Variants in GRIN2A observed in about 807,000 individuals in gnomAD.
GRIN2A encodes the protein glutamate receptor ionotropic, NMDA 2A.
A neutral mutation model predicts 113.4 loss-of-function variants in GRIN2A; 22 were observed. The observed-to-expected ratio is 0.19, with a 90% CI of 0.14 to 0.28. The LOEUF (loss-of-function observed/expected upper bound fraction) is 0.28, where lower values mean the gene tolerates loss of function less well. Among genes scored for constraint, GRIN2A ranks in the 10% least tolerant of loss-of-function variants. The pLI, the probability that GRIN2A is intolerant of heterozygous loss-of-function variation, is 1.00. For missense variants in GRIN2A, 1,502 were observed against 1,887.0 expected (o/e 0.80, Z 3.78); for synonymous variants, 827 against 738.4 (o/e 1.12, Z -1.94).
chr16:10,180,487 G>T lies in GRIN2A; in HGVS notation c.-18-58C>A. Reference sequence around the variant, plus strand: ...GTGAGCAAGGCGACCAGAAGAAAGGGATTACCAACTTGGCTTCCTGCTCTA... The same window carrying T: ...GTGAGCAAGGCGACCAGAAGAAAGGTATTACCAACTTGGCTTCCTGCTCTA... On this transcript the variant is annotated intron_variant, in intron 1 of 12. Coordinates refer to ENST00000330684, the MANE Select transcript of GRIN2A (RefSeq NM_001134407.3). This position sits in a 1 kb window ranked among gnomAD's most constrained non-coding sequence, Gnocchi z 7.0. The T allele has an allele frequency of 6.5e-7, 1 of 1,548,570 alleles. No homozygotes were observed. The highest frequency in any genetic ancestry group is 2.4e-5 in the East Asian group (1 of 42,068).
At chr16:9,983,352 T>G (rs565017512) in intron 2 of GRIN2A, among the ~76,000 whole-genome samples, 12 of 152,338 alleles carry the variant, frequency 7.9e-5, no homozygotes, top group African/African-American at 2.4e-4. Context: ...CACGTGATAT[T>G]TGGTTTTTTG....
At chr16:10,111,689 A>G in intron 2 of GRIN2A, 3 of 1,564,634 alleles carry the variant, frequency 1.9e-6, no homozygotes, top group Non-Finnish European at 2.6e-6. Flanking sequence ...CAGGCCAACG[A>G]GGTGCATAAG....
At chr16:10,008,316 C>G (rs1034323803) in intron 2 of GRIN2A, among the ~76,000 whole-genome samples, 1 of 152,190 alleles carries the variant, frequency 6.6e-6, no homozygotes, top group Non-Finnish European at 1.5e-5. Context: ...TTGTGTCATG[C>G]TGAGATATCC....
rs182363898 is a variant in GRIN2A at position 10,083,641 on chromosome 16, C to G, written c.414+96357G>C. Among the ~76,000 whole-genome samples the G allele has an allele frequency of 2.0e-3, 302 of 152,284 alleles. 6 individuals carry two copies. The highest frequency in any genetic ancestry group is 1.2e-3 in the Non-Finnish European group (82 of 68,022). On this transcript the variant is annotated intron_variant, in intron 2 of 12. Transcript: ENST00000330684. ...TCTCTTTACAATGTTCTTTTCTGCACCTCACCCCCGATCCCTACTCTCCTA... is the reference window on the plus strand; with the variant it reads ...TCTCTTTACAATGTTCTTTTCTGCAGCTCACCCCCGATCCCTACTCTCCTA...
chr16:10,025,642 A>T (rs2046806071), intron 2 of GRIN2A, among the ~76,000 whole-genome samples: 1 of 152,114 alleles, frequency 6.6e-6, no homozygotes, highest in Non-Finnish European at 1.5e-5. Flanking sequence ...GGAGGCTGGA[A>T]TACCACCTCA....
intron 2 of GRIN2A, among the ~76,000 whole-genome samples, chr16:9,974,134 G>A (rs2045729495): frequency 6.6e-6 from 1 of 152,136 alleles, no homozygotes; most frequent in Admixed American, 6.5e-5. Flanking sequence ...TAACACTATA[G>A]CATACAGGAT....
chr16:9,871,030 CA>C (rs1178110381), intron 4 of GRIN2A, among the ~76,000 whole-genome samples: 2 of 152,172 alleles, frequency 1.3e-5, no homozygotes, highest in Non-Finnish European at 2.9e-5. Flanking sequence ...TTCTCCCAAT[CA>C]ATCTGCTCAT....
At chr16:9,806,672 T>C (rs947731894) in intron 10 of GRIN2A, among the ~76,000 whole-genome samples, 1 of 147,008 alleles carries the variant, frequency 6.8e-6, no homozygotes, top group African/African-American at 2.5e-5. Context: ...AAAGAGAAAG[T>C]GAGGAAGAGA....
At chr16:9,974,834 T>C (rs905482333) in intron 2 of GRIN2A, among the ~76,000 whole-genome samples, 4 of 152,224 alleles carry the variant, frequency 2.6e-5, no homozygotes, top group African/African-American at 9.6e-5. Flanking sequence ...CTTTTATTTC[T>C]TTTTCTGGCC....
At chr16:10,016,937 G>C (rs908008881) in intron 2 of GRIN2A, among the ~76,000 whole-genome samples, 5 of 152,298 alleles carry the variant, frequency 3.3e-5, no homozygotes, top group African/African-American at 4.8e-5. Context: ...AATATCATCA[G>C]TCACACTGGA....
At position 10,180,470 on chromosome 16, in the gene GRIN2A, G is replaced by A; in HGVS notation, c.-18-41C>T. On this transcript the variant is annotated intron_variant, in intron 1 of 12. Transcript: ENST00000330684. This position sits in a 1 kb window ranked among gnomAD's most constrained non-coding sequence, Gnocchi z 7.0. ...TGAGAGGCAGGGCCGCGGTGAGCAA[G>A]GCGACCAGAAGAAAGGGATTACCAA... The A allele has an allele frequency of 6.4e-7, 1 of 1,566,552 alleles. No homozygotes were observed. Among genetic ancestry groups the A allele is most frequent in the Non-Finnish European group, 8.6e-7 (1 of 1,162,400 alleles).
intron 2 of GRIN2A, chr16:10,111,795 C>T (rs1164817832): frequency 1.4e-6 from 2 of 1,415,470 alleles, no homozygotes; most frequent in African/African-American, 1.4e-5. Context: ...TCCGGCATGG[C>T]TTCTCTTGCA....
At position 10,020,013 on chromosome 16, in the gene GRIN2A, G is replaced by C. The variant is rs888302446; in HGVS notation, c.415-81462C>G. The stretch of plus-strand genomic sequence containing the variant: ...ATTCGATGGTGGTGATCATTTCACA[G>C]TCTACACACTCATCAAAACATCACA... On this transcript the variant is annotated intron_variant, in intron 2 of 12. Transcript: ENST00000330684. 1.6e-4 allele frequency among the ~76,000 whole-genome samples: 24 copies of C among 152,284 alleles called. No homozygotes were observed. In the East Asian group the frequency reaches 3.1e-3, roughly 20 times the overall value.
chr16:10,167,844 G>A (rs1188485304), intron 2 of GRIN2A, among the ~76,000 whole-genome samples: 3 of 152,194 alleles, frequency 2.0e-5, no homozygotes, highest in Admixed American at 1.3e-4. Context: ...TTGGGGGGAT[G>A]TGGGGGAATA....
intron 11 of GRIN2A, among the ~76,000 whole-genome samples, chr16:9,783,852 A>C (rs148797896): frequency 6.6e-6 from 1 of 152,346 alleles, no homozygotes; most frequent in African/African-American, 2.4e-5. Flanking sequence ...CATTATTCTC[A>C]GTAAACTAAC....
chr16:10,024,603 G>A (rs760768362), intron 2 of GRIN2A, among the ~76,000 whole-genome samples: 4 of 152,154 alleles, frequency 2.6e-5, no homozygotes, highest in Admixed American at 1.3e-4. Flanking sequence ...TCCCATTGCC[G>A]CTTAGAGATC....
intron 2 of GRIN2A, among the ~76,000 whole-genome samples, chr16:9,985,411 T>C (rs1174248155): frequency 6.6e-6 from 1 of 152,214 alleles, no homozygotes; most frequent in African/African-American, 2.4e-5. Context: ...GTTGCAGCAC[T>C]ACTCACAATA....
intron 5 of GRIN2A, 152 bp downstream of exon 5, chr16:9,849,604 C>T: frequency 1.4e-6 from 1 of 712,322 alleles, no homozygotes. Flanking sequence ...TTATCTAAGT[C>T]TTTTTTAAAT....
chr16:10,067,581 A>G (rs1220840533), intron 2 of GRIN2A, among the ~76,000 whole-genome samples: 1 of 152,154 alleles, frequency 6.6e-6, no homozygotes, highest in Non-Finnish European at 1.5e-5. Context: ...CCGGAGGGAC[A>G]CCCAGGGAGG....
Sources: gnomAD v4.1 joint callset for allele counts (sites outside exome capture counted in the v4.1 genomes callset) on GRCh38, gnomAD v4.1.1 for gene constraint, Gnocchi (gnomAD v3.1) non-coding constraint, MANE v1.5 for transcripts, NCBI Gene and HGNC (gene_info 2026-07-23, HGNC 2026-07-21) for gene names.